Variants in CEP120 observed in about 807,000 individuals in gnomAD.
CEP120 encodes centrosomal protein of 120 kDa.
A neutral mutation model predicts 126.5 loss-of-function variants in CEP120; 113 were observed. That is an observed-to-expected ratio of 0.89 (90% confidence interval 0.77 to 1.04). The LOEUF is 1.04. Ranked by LOEUF, CEP120 falls within the 50% of genes least tolerant of loss-of-function variation. The pLI is 0.00. For synonymous variants in CEP120, 400 were observed against 394.3 expected (o/e 1.01, Z -0.17); for missense variants, 1,230 against 1,155.7 (o/e 1.06, Z -0.93).
At chr5:123,374,327 A>T (rs985438501) in intron 16 of CEP120, among the ~76,000 whole-genome samples, 6 of 152,106 alleles carry the variant, frequency 3.9e-5, no homozygotes, top group Admixed American at 3.3e-4. Context: ...CTAACTTCAG[A>T]CCTTTTCATC....
intron 17 of CEP120, among the ~76,000 whole-genome samples, chr5:123,365,041 T>C (rs1435153471): frequency 6.6e-6 from 1 of 151,644 alleles, no homozygotes; most frequent in African/African-American, 2.4e-5. Flanking sequence ...CCAGTAGAGA[T>C]GCTTTTATAA....
chr5:123,422,956 G>A lies in CEP120; in HGVS notation c.43C>T (p.Leu15=). 1.2e-6 allele frequency: 2 copies of A among 1,614,110 alleles called. No homozygotes were observed. The highest frequency in any genetic ancestry group is 1.7e-6 in the Non-Finnish European group (2 of 1,179,976). Residue 15 remains leucine, a synonymous_variant, in exon 1 of 20, where the codon CTA becomes TTA. Coordinates refer to ENST00000306467, the MANE Select transcript of CEP120 (RefSeq NM_001375405.1). ...CAAGCCTCAGGCTGCTCACCTTCTA[G>A]GATGGACACGACGATGAGCAATTGG... The part of the protein sequence containing the change: ...SDQLLIVVSI[L]EGRHFPKRPK...
chr5:123,375,109 A>T (rs1771118450), intron 16 of CEP120, among the ~76,000 whole-genome samples: 1 of 152,034 alleles, frequency 6.6e-6, no homozygotes, highest in South Asian at 2.1e-4. Flanking sequence ...CACACCTAAA[A>T]CGTGAAATGT....
At chr5:123,409,179 T>C (rs1294735646) in intron 4 of CEP120, among the ~76,000 whole-genome samples, 1 of 151,946 alleles carries the variant, frequency 6.6e-6, no homozygotes, top group African/African-American at 2.4e-5. Context: ...GAAAAAAAAA[T>C]CACATAATCT....
At chr5:123,370,186 A>C (rs1028097964) in intron 17 of CEP120, among the ~76,000 whole-genome samples, 22 of 152,048 alleles carry the variant, frequency 1.4e-4, no homozygotes, top group African/African-American at 5.1e-4. Flanking sequence ...AGGTTGCATT[A>C]TGGTAGCTCT....
intron 16 of CEP120, among the ~76,000 whole-genome samples, chr5:123,373,646 A>G (rs1771012819): frequency 6.6e-6 from 1 of 152,104 alleles, no homozygotes; most frequent in Admixed American, 6.6e-5. Flanking sequence ...GAAGGATGAC[A>G]TCTTTTCAGG....
At chr5:123,374,245 G>C (rs569568802) in intron 16 of CEP120, among the ~76,000 whole-genome samples, 1 of 151,930 alleles carries the variant, frequency 6.6e-6, no homozygotes, top group African/African-American at 2.4e-5. Flanking sequence ...AACAAAAACT[G>C]AAAGTCAAAG....
intron 4 of CEP120, chr5:123,402,351 C>G (rs1482187773): frequency 7.2e-7 from 1 of 1,395,222 alleles, no homozygotes; most frequent in Non-Finnish European, 9.5e-7. Context: ...ATGGTGGAGG[C>G]AGGAGTGGAG....
chr5:123,377,489 A>G lies in CEP120; in HGVS notation c.2243T>C (p.Leu748Pro). The change falls in exon 16 of 20, where the codon CTG becomes CCG. Residue 748 changes from leucine to proline, a missense_variant. Coordinates refer to ENST00000306467, the MANE Select transcript of CEP120 (RefSeq NM_001375405.1). ...KELQSERQRN[L>P]QELQDSIRRA... ...ACGGATAGAGTCCTGCAGTTCTTGC[A>G]GGTTCCGCTGACGTTCTGATTGCAG... 6.2e-7 allele frequency: 1 copy of G among 1,601,484 alleles called. No individual in the cohort carries two copies. Among genetic ancestry groups the G allele is most frequent in the Admixed American group, 1.8e-5 (1 of 55,708 alleles).
At chr5:123,378,058 C>T (rs1017949845) in intron 15 of CEP120, among the ~76,000 whole-genome samples, 2 of 151,978 alleles carry the variant, frequency 1.3e-5, no homozygotes, top group Admixed American at 1.3e-4. Context: ...AAGTAATAAA[C>T]AGTATGAATT....
chr5:123,400,831 G>C (rs1179992870), intron 4 of CEP120: 2 of 873,462 alleles, frequency 2.3e-6, no homozygotes, highest in East Asian at 2.4e-5. Flanking sequence ...TGGGTCTCCT[G>C]TTCCCAGTGC....
intron 9 of CEP120, among the ~76,000 whole-genome samples, chr5:123,387,856 T>C (rs528987577): frequency 2.0e-4 from 31 of 152,158 alleles, no homozygotes; most frequent in African/African-American, 7.0e-4. Flanking sequence ...AACTGACATA[T>C]ATATTATATA....
intron 4 of CEP120, among the ~76,000 whole-genome samples, chr5:123,400,211 G>A (rs1773083205): frequency 6.6e-6 from 1 of 152,072 alleles, no homozygotes; most frequent in South Asian, 2.1e-4. Context: ...TATCTAAGTC[G>A]CATAGACCAA....
At chr5:123,388,400 A>T (rs1554103107) in intron 9 of CEP120, 32 bp downstream of exon 9, 1 of 1,415,212 alleles carries the variant, frequency 7.1e-7, no homozygotes, top group Non-Finnish European at 9.4e-7. Context: ...TCTCTTCAGA[A>T]AATAATACTT....
intron 17 of CEP120, among the ~76,000 whole-genome samples, chr5:123,371,583 G>A (rs775058196): frequency 1.5e-4 from 23 of 152,068 alleles, no homozygotes; most frequent in East Asian, 3.9e-4. Flanking sequence ...AATGCTCACC[G>A]GAGCTCTGTT....
intron 4 of CEP120, among the ~76,000 whole-genome samples, chr5:123,409,548 A>C (rs1278679212): frequency 6.6e-6 from 1 of 152,264 alleles, no homozygotes; most frequent in East Asian, 1.9e-4. Flanking sequence ...TTACTAATGC[A>C]AAAGAAAAGG....
chr5:123,406,600 A>C (rs1470727182), intron 4 of CEP120, among the ~76,000 whole-genome samples: 1 of 147,126 alleles, frequency 6.8e-6, no homozygotes. Flanking sequence ...AAAAAAAAAA[A>C]CCACCACCCT....
chr5:123,372,624 A>T, intron 17 of CEP120, 26 bp downstream of exon 17: 1 of 1,604,214 alleles, frequency 6.2e-7, no homozygotes, highest in Non-Finnish European at 8.5e-7. Flanking sequence ...GGGACTAGTT[A>T]AACTGCACAA....
chr5:123,390,166 T>A (rs772695187), intron 7 of CEP120, 26 bp from the exon 8 acceptor site: 5 of 1,500,534 alleles, frequency 3.3e-6, no homozygotes, highest in Non-Finnish European at 1.8e-6. Context: ...AAATAAAGTA[T>A]AATTTGCAAA....
Sources: gnomAD v4.1 joint callset for allele counts (sites outside exome capture counted in the v4.1 genomes callset) on GRCh38, gnomAD v4.1.1 for gene constraint, MANE v1.5 for transcripts, NCBI Gene and HGNC (gene_info 2026-07-23, HGNC 2026-07-21) for gene names.